Variants in ATXN7 observed in about 807,000 individuals in gnomAD.
ATXN7 encodes the protein ataxin 7, also known as ataxin-7.
ATXN7 carries 12 observed loss-of-function variants against 70.5 expected under a neutral mutation model. The ratio of observed to expected loss-of-function variants is 0.17; its 90% CI spans 0.11 to 0.28. The LOEUF (loss-of-function observed/expected upper bound fraction) is 0.28. Among genes scored for constraint, ATXN7 ranks in the 10% least tolerant of loss-of-function variants. ATXN7 has a pLI of 1.00. For synonymous variants in ATXN7, 498 were observed against 448.7 expected (o/e 1.11, Z -1.39); for missense variants, 1,256 against 1,131.7 (o/e 1.11, Z -1.58).
intron 1 of ATXN7, among the ~76,000 whole-genome samples, chr3:63,886,592 A>G (rs1168034356): frequency 3.3e-5 from 5 of 152,234 alleles, no homozygotes; most frequent in Non-Finnish European, 7.3e-5. Context: ...CTTACATAAG[A>G]GGTTAACAAT....
At chr3:63,878,743 G>C (rs1482199076) in intron 1 of ATXN7, among the ~76,000 whole-genome samples, 1 of 152,216 alleles carries the variant, frequency 6.6e-6, no homozygotes, top group Admixed American at 6.5e-5. Flanking sequence ...AGAAGAAATA[G>C]TGTTACTGGA....
At position 63,982,442 on chromosome 3, in the gene ATXN7, T is replaced by G. The variant is rs774361918; in HGVS notation, c.1009T>G (p.Ser337Ala). ...NNRKFLNKRLSEREFDPDIHC... is the reference protein window; with the variant it reads ...NNRKFLNKRLAEREFDPDIHC... The stretch of plus-strand genomic sequence containing the variant: ...TAGGAAATTTTTAAATAAGAGATTA[T>G]CAGGTAACTTCAAATTTTCTTTCTT... Residue 337 changes from serine to alanine, a missense_variant, in exon 7 of 13, where the codon TCA becomes GCA. Transcript: ENST00000674280. 1 of 1,595,344 alleles carries G rather than the reference T, an allele frequency of 6.3e-7. No individual in the cohort carries two copies. The highest frequency in any genetic ancestry group is 1.1e-5 in the South Asian group (1 of 89,676).
chr3:63,877,014 A>C (rs1702763949), intron 1 of ATXN7, among the ~76,000 whole-genome samples: 2 of 152,228 alleles, frequency 1.3e-5, no homozygotes, highest in Non-Finnish European at 2.9e-5. Flanking sequence ...GAAAAAATTT[A>C]CACCTTAAAT....
chr3:63,878,447 T>G (rs1702808061), intron 1 of ATXN7: 1 of 152,246 alleles, frequency 6.6e-6, no homozygotes, highest in East Asian at 1.9e-4. Flanking sequence ...AGGTGTCGTT[T>G]CTGCTCCCAT....
chr3:63,881,981 G>C (rs1245290576), intron 1 of ATXN7, among the ~76,000 whole-genome samples: 3 of 152,186 alleles, frequency 2.0e-5, no homozygotes, highest in Non-Finnish European at 4.4e-5. Flanking sequence ...GTCCATCTTG[G>C]GGGCAGAAGT....
intron 10 of ATXN7, 145 bp downstream of exon 10, chr3:63,990,519 A>C: frequency 8.5e-7 from 1 of 1,181,564 alleles, no homozygotes; most frequent in Non-Finnish European, 1.2e-6. Context: ...GGTGCCCCAG[A>C]GGCAGCACAC....
chr3:63,967,153 G>A (rs929211006), intron 5 of ATXN7, among the ~76,000 whole-genome samples: 2 of 152,160 alleles, frequency 1.3e-5, no homozygotes, highest in Non-Finnish European at 2.9e-5. Flanking sequence ...GAGGGAGTGT[G>A]ATAGGGATGA....
At chr3:63,928,659 C>G (rs78322359) in intron 4 of ATXN7, among the ~76,000 whole-genome samples, 3,793 of 152,260 alleles carry the variant, frequency 0.025, 124 homozygotes, top group East Asian at 0.14. Flanking sequence ...GAAAGTTACA[C>G]TGTCCCAAAT....
At chr3:63,946,955 C>T (rs569611655) in intron 4 of ATXN7, among the ~76,000 whole-genome samples, 5 of 152,238 alleles carry the variant, frequency 3.3e-5, no homozygotes, top group Non-Finnish European at 5.9e-5. Flanking sequence ...GGCCCCATAC[C>T]TTGACCTTGG....
chr3:63,952,209 T>C (rs1003205736), intron 4 of ATXN7, among the ~76,000 whole-genome samples, 170 bp from the exon 5 acceptor site: 16 of 152,248 alleles, frequency 1.1e-4, no homozygotes, highest in Non-Finnish European at 2.2e-4. Context: ...TTAAAGTGTG[T>C]CTGTAAGCCT....
intron 1 of ATXN7, among the ~76,000 whole-genome samples, chr3:63,885,536 G>T (rs947774726): frequency 3.3e-5 from 5 of 152,066 alleles, no homozygotes; most frequent in African/African-American, 4.8e-5. Context: ...CAGTATGGAG[G>T]TTTCTCAAAA....
chr3:63,999,178 A>G (rs1030817277), intron 12 of ATXN7: 5 of 398,120 alleles, frequency 1.3e-5, no homozygotes, highest in African/African-American at 2.0e-5. Flanking sequence ...AGGCAAACAT[A>G]AGAGCCTTTT....
intron 1 of ATXN7, among the ~76,000 whole-genome samples, chr3:63,880,186 A>T (rs983756315): frequency 6.6e-6 from 1 of 152,128 alleles, no homozygotes; most frequent in African/African-American, 2.4e-5. Flanking sequence ...GAAGATGAAT[A>T]TTTACTCTGT....
chr3:63,997,571 CT>C, intron 12 of ATXN7: 2 of 1,499,676 alleles, frequency 1.3e-6, no homozygotes, highest in Admixed American at 2.0e-5. Context: ...TTCCAGCTTC[CT>C]TTGCTCTAAC....
chr3:63,973,176 C>G, intron 5 of ATXN7, among the ~76,000 whole-genome samples: 1 of 152,184 alleles, frequency 6.6e-6, no homozygotes. Context: ...ATCCCTGACT[C>G]TAAAGTTCTT....
At chr3:63,864,609 A>AC (rs1335515764) in intron 1 of ATXN7, 3 of 152,218 alleles carry the variant, frequency 2.0e-5, no homozygotes. Context: ...TCGCGAAGCG[A>AC]CCAGGAGCGT....
chr3:63,982,848 TCTAA>T (rs2075513069), intron 7 of ATXN7, 87 bp from the exon 8 acceptor site: 5 of 984,082 alleles, frequency 5.1e-6, no homozygotes, highest in Non-Finnish European at 8.0e-6. Flanking sequence ...CTATAATTTA[TCTAA>T]CTGTTGATTT....
chr3:63,983,099 TCTCTC>T (rs1172804731), intron 8 of ATXN7, 78 bp downstream of exon 8: 2 of 1,131,990 alleles, frequency 1.8e-6, no homozygotes, highest in African/African-American at 3.1e-5. Flanking sequence ...ACTCCCACAG[TCTCTC>T]TAACCCAGAG....
At position 63,863,891 on chromosome 3, in the gene ATXN7, T is replaced by G. The variant is rs575322665; in HGVS notation, c.-378T>G. The stretch of plus-strand genomic sequence containing the variant: ...CACAATGCAGCCGGGTAAACAGCCA[T>G]GGAGGAGGAGGCGGCGGCGCCCGCG... On this transcript the variant is annotated 5_prime_UTR_variant, in exon 1 of 13. It removes an upstream start codon present in the reference 5' UTR. Transcript: ENST00000674280. 1 of 1,134,288 alleles carries G rather than the reference T, an allele frequency of 8.8e-7. No homozygotes were observed. The highest frequency in any genetic ancestry group is 4.3e-5 in the East Asian group (1 of 23,238). 70.3% of individuals were successfully genotyped at this position (1,134,288 alleles called of 1,614,324 possible). A position where few individuals can be genotyped will look rare whatever the true frequency, so the allele number is the denominator to read the frequency against.
Sources: gnomAD v4.1 joint callset for allele counts (sites outside exome capture counted in the v4.1 genomes callset) on GRCh38, gnomAD v4.1.1 for gene constraint, MANE v1.5 for transcripts, NCBI Gene and HGNC (gene_info 2026-07-23, HGNC 2026-07-21) for gene names.